The following UBR4 variants were observed in gnomAD, a reference collection of about 807,000 sequenced individuals.
UBR4 encodes the protein ubiquitin protein ligase E3 component n-recognin 4.
UBR4 carries 124 observed loss-of-function variants against 575.6 expected under a neutral mutation model. The ratio of observed to expected loss-of-function variants is 0.22; its 90% CI spans 0.19 to 0.25. The LOEUF is 0.25. Among genes scored for constraint, UBR4 ranks in the 10% least tolerant of loss-of-function variants. The pLI is 1.00. For missense variants in UBR4, 4,818 were observed against 6,478.8 expected (o/e 0.74, Z 8.80); for synonymous variants, 2,455 against 2,473.7 (o/e 0.99, Z 0.22).
intron 1 of UBR4, among the ~76,000 whole-genome samples, chr1:19,202,416 G>C (rs891763190): frequency 6.6e-6 from 1 of 152,054 alleles, no homozygotes; most frequent in Non-Finnish European, 1.5e-5. Flanking sequence ...AGCCAAAAAG[G>C]GGCAGACCAG....
In UBR4 at chr1:19,076,772, A is replaced by C. The variant is rs746306936; in HGVS notation, c.15455T>G (p.Val5152Gly). Residue 5152 changes from valine (V) to glycine (G), a missense_variant, in exon 105 of 106, where the codon GTG becomes GGG. Val to Gly is a moderately radical substitution (Grantham distance 109, BLOSUM62 -3). Coordinates refer to ENST00000375254, the MANE Select transcript of UBR4 (RefSeq NM_020765.3). The stretch of plus-strand genomic sequence containing the variant: ...ATCGAGGAACTCTGAGAAGGTCTCC[A>C]CTGGCATGAACTCCTCCTGGAAGGT... ...LKTFQEEFMPVETFSEFLDVA... is the reference protein window; with the variant it reads ...LKTFQEEFMPGETFSEFLDVA... 1 of 1,614,190 alleles carries C rather than the reference A, an allele frequency of 6.2e-7. No homozygotes were observed. Among genetic ancestry groups the C allele is most frequent in the Non-Finnish European group, 8.5e-7 (1 of 1,180,034 alleles).
intron 70 of UBR4, 141 bp from the exon 71 acceptor site, chr1:19,119,098 A>G: frequency 4.3e-6 from 3 of 705,268 alleles, no homozygotes; most frequent in Non-Finnish European, 7.1e-6. Context: ...AGCTGGGCCT[A>G]ATTTCAATCA....
At chr1:19,099,997 G>A in intron 89 of UBR4, 1 of 435,188 alleles carries the variant, frequency 2.3e-6, no homozygotes, top group African/African-American at 2.0e-5. Context: ...CGGTCTGCCA[G>A]AAAGTAACTG....
At chr1:19,177,981 G>A (rs1005303764) in intron 18 of UBR4, among the ~76,000 whole-genome samples, 2 of 152,170 alleles carry the variant, frequency 1.3e-5, no homozygotes, top group African/African-American at 2.4e-5. Flanking sequence ...TTGGGAGGTC[G>A]AGGGGAGGAT....
intron 3 of UBR4, 151 bp from the exon 4 acceptor site, chr1:19,199,079 G>A (rs569934705): frequency 8.0e-5 from 69 of 862,476 alleles, no homozygotes; most frequent in Middle Eastern, 3.6e-4. Flanking sequence ...TCCTTAGACC[G>A]TATGTAGCTT....
intron 55 of UBR4, 89 bp downstream of exon 55, chr1:19,143,891 A>G (rs1013380446): frequency 2.2e-5 from 28 of 1,245,806 alleles, no homozygotes; most frequent in South Asian, 1.9e-4. Flanking sequence ...ACCTTGGTCA[A>G]CATGAGCAGC....
chr1:19,146,277 A>G (rs764687313), intron 52 of UBR4: 3 of 437,878 alleles, frequency 6.9e-6, no homozygotes, highest in Non-Finnish European at 1.2e-5. Flanking sequence ...CTGGGATTGT[A>G]GTATTAAAAG....
At chr1:19,123,201 C>T (rs2081360413) in intron 65 of UBR4, 141 bp from the exon 66 acceptor site, 2 of 894,290 alleles carry the variant, frequency 2.2e-6, no homozygotes, top group Admixed American at 4.9e-5. Flanking sequence ...GCTGTAATCC[C>T]AGCACTTTGG....
intron 63 of UBR4, 88 bp from the exon 64 acceptor site, chr1:19,126,743 C>T: frequency 7.4e-7 from 1 of 1,352,078 alleles, no homozygotes; most frequent in Non-Finnish European, 1.0e-6. Flanking sequence ...GGGAAACACA[C>T]TCACAACAGT....
Position 19,112,763 on chromosome 1 carries a change from G to A in UBR4, c.11562C>T (p.Ser3854=). The A allele has an allele frequency of 6.2e-7, 1 of 1,614,246 alleles. No individual in the cohort carries two copies. The highest frequency in any genetic ancestry group is 8.5e-7 in the Non-Finnish European group (1 of 1,180,026). Residue 3854 remains serine (S), a synonymous_variant, in exon 78 of 106, where the codon AGC becomes AGT. Transcript: ENST00000375254. ...CCAGGACGGATAAGGCACGGTACTG[G>A]CTGGCAGTGAATGTGGGCTGCACGG... is the stretch of plus-strand genomic sequence containing the variant. The part of the protein sequence containing the change: ...RTSVQPTFTA[S]QYRALSVLGC...
chr1:19,164,445 G>A lies in UBR4; in HGVS notation c.4512-4C>T. ...ACACACACCTTCCCCAACTTGGCTA[G>A]GAGAAAAGAAAGAGCAAGTTGGTGA... is the stretch of plus-strand genomic sequence containing the variant. On this transcript the variant is annotated splice_polypyrimidine_tract_variant and splice_region_variant and intron_variant, in intron 32 of 105. Coordinates refer to ENST00000375254, the MANE Select transcript of UBR4 (RefSeq NM_020765.3). 3 of 1,612,102 alleles carry A rather than the reference G, an allele frequency of 1.9e-6. No homozygotes were observed. The highest frequency in any genetic ancestry group is 1.1e-5 in the South Asian group (1 of 90,688).
chr1:19,195,032 G>A (rs924622850), intron 8 of UBR4, among the ~76,000 whole-genome samples: 1 of 151,560 alleles, frequency 6.6e-6, no homozygotes, highest in Non-Finnish European at 1.5e-5. Context: ...AGGCCAAGGC[G>A]GGCGGATCAC....
chr1:19,144,059 A>G lies in UBR4; in HGVS notation c.8100T>C (p.Ala2700=). 6.2e-7 allele frequency: 1 copy of G among 1,613,998 alleles called. No individual in the cohort carries two copies. The highest frequency in any genetic ancestry group is 8.5e-7 in the Non-Finnish European group (1 of 1,179,906). The change falls in exon 55 of 106, where the codon GCT becomes GCC. Residue 2700 remains alanine (A), a synonymous_variant. Transcript: ENST00000375254. ...DPAVSFSCKQ[A]LIRVLRPRNK... ...TCCTGGGCCTTAGGACTCGAATTAG[A>G]GCTTGTTTACAAGAGAAGCTCACAG...
At chr1:19,199,489 C>T (rs114955806) in intron 3 of UBR4, among the ~76,000 whole-genome samples, 162 bp downstream of exon 3, 2,717 of 152,300 alleles carry the variant, frequency 0.018, 81 homozygotes, top group African/African-American at 0.062. Flanking sequence ...TGCTTTCACA[C>T]TAAAAAGGCA....
chr1:19,195,290 T>TAATAAC (rs888059017), intron 8 of UBR4, among the ~76,000 whole-genome samples: 2 of 147,742 alleles, frequency 1.4e-5, no homozygotes, highest in African/African-American at 2.5e-5. Flanking sequence ...ATAATAATAA[T>TAATAAC]AGTAAAATCT....
At position 19,120,194 on chromosome 1, in the gene UBR4, T is replaced by C. The variant is rs761963947; in HGVS notation, c.10296A>G (p.Thr3432=). Residue 3432 remains threonine (T), a synonymous_variant, in exon 69 of 106, where the codon ACA becomes ACG. Transcript: ENST00000375254. The part of the protein sequence containing the change: ...SSVRWQAHCL[T]LHIYRNSSKS... ...CCTGGCCCTACCTGTAGATGTGCAG[T>C]GTCAGACAGTGGGCCTGCCAGCGCA... is the stretch of plus-strand genomic sequence containing the variant. The C allele has an allele frequency of 4.5e-5, 73 of 1,614,040 alleles. No individual in the cohort carries two copies. Among genetic ancestry groups the C allele is most frequent in the Non-Finnish European group, 6.1e-5 (72 of 1,180,014 alleles).
chr1:19,141,658 A>C lies in UBR4; in HGVS notation c.8299T>G (p.Phe2767Val). Residue 2767 changes from phenylalanine (F) to valine (V), a missense_variant, in exon 56 of 106, where the codon TTT becomes GTT. Transcript: ENST00000375254. ...QEQSEVDHGD[F>V]EMVSESMVLE... ...TGCCAGAGACTCACCACCATCTCAA[A>C]ATCTCCATGGTCCACCTCACTCTGT... 6.2e-7 allele frequency: 1 copy of C among 1,613,982 alleles called. No individual in the cohort carries two copies. Among genetic ancestry groups the C allele is most frequent in the Non-Finnish European group, 8.5e-7 (1 of 1,179,954 alleles).
intron 33 of UBR4, 65 bp downstream of exon 33, chr1:19,164,188 T>G: frequency 1.3e-6 from 2 of 1,533,932 alleles, no homozygotes; most frequent in Non-Finnish European, 8.8e-7. Context: ...CTTTGAGCTA[T>G]AAAGAAAGTA....
intron 28 of UBR4, among the ~76,000 whole-genome samples, chr1:19,167,718 C>T (rs1466586425): frequency 2.0e-5 from 3 of 152,174 alleles, no homozygotes; most frequent in African/African-American, 7.2e-5. Context: ...TCTGGAGAAA[C>T]GTTATCAAAT....
Sources: gnomAD v4.1 joint callset for allele counts (sites outside exome capture counted in the v4.1 genomes callset) on GRCh38, gnomAD v4.1.1 for gene constraint, MANE v1.5 for transcripts, NCBI Gene and HGNC (gene_info 2026-07-23, HGNC 2026-07-21) for gene names.